Variants in SLC38A1 observed in about 807,000 individuals in gnomAD.
SLC38A1 encodes the protein solute carrier family 38 member 1.
SLC38A1 carries 18 observed loss-of-function variants against 60.3 expected under a neutral mutation model. That is an observed-to-expected ratio of 0.30 (90% CI 0.21 to 0.44). SLC38A1 has a LOEUF of 0.44. SLC38A1 is among the 20% of genes least tolerant of loss of function. The pLI is 1.00. For missense variants in SLC38A1, 448 were observed against 587.2 expected (o/e 0.76, Z 2.45); for synonymous variants, 196 against 212.1 (o/e 0.92, Z 0.66).
In SLC38A1 at chr12:46,197,901, A is replaced by C. The variant is rs1426912959; in HGVS notation, c.1264+18T>G. 1.2e-6 allele frequency: 2 copies of C among 1,612,238 alleles called. No individual in the cohort carries two copies. The highest frequency in any genetic ancestry group is 3.4e-5 in the Admixed American group (2 of 59,540). Reference sequence around the variant, plus strand: ...ACAGCTACTGTAGAATGACAAGCACAAAGTCATGAAGCCATACCTACGACT... The same window carrying C: ...ACAGCTACTGTAGAATGACAAGCACCAAGTCATGAAGCCATACCTACGACT... On this transcript the variant is annotated intron_variant, in intron 15 of 16. Coordinates refer to ENST00000398637, the MANE Select transcript of SLC38A1 (RefSeq NM_030674.4).
intron 1 of SLC38A1, among the ~76,000 whole-genome samples, chr12:46,262,713 TAAGAACTTTA>T (rs1458871583): frequency 6.6e-6 from 1 of 152,110 alleles, no homozygotes; most frequent in Non-Finnish European, 1.5e-5. Context: ...ACAGAAATAA[TAAGAACTTTA>T]AAGCATCACA....
chr12:46,205,982 A>C (rs1939879512), intron 9 of SLC38A1, 98 bp downstream of exon 9: 1 of 672,798 alleles, frequency 1.5e-6, no homozygotes, highest in South Asian at 1.9e-5. Flanking sequence ...CTTTGAGTGC[A>C]TGCAGAGGGG....
chr12:46,228,479 C>T (rs1940950100), intron 5 of SLC38A1, among the ~76,000 whole-genome samples: 1 of 152,180 alleles, frequency 6.6e-6, no homozygotes, highest in Non-Finnish European at 1.5e-5. Context: ...CTCACCTCAC[C>T]ACTGACACTC....
At chr12:46,206,408 G>T (rs1939904823) in intron 8 of SLC38A1, among the ~76,000 whole-genome samples, 1 of 150,796 alleles carries the variant, frequency 6.6e-6, no homozygotes, top group African/African-American at 2.4e-5. Flanking sequence ...GGCTAAATGT[G>T]GCATTCTTTT....
intron 1 of SLC38A1, among the ~76,000 whole-genome samples, chr12:46,261,262 C>A (rs1347456170): frequency 6.6e-6 from 1 of 152,196 alleles, no homozygotes; most frequent in Non-Finnish European, 1.5e-5. Context: ...CTCCTGGGGG[C>A]AGGGAGAGGG....
chr12:46,241,243 T>C (rs1425672149), intron 2 of SLC38A1, among the ~76,000 whole-genome samples: 1 of 152,194 alleles, frequency 6.6e-6, no homozygotes, highest in Non-Finnish European at 1.5e-5. Flanking sequence ...TATAGCCTAG[T>C]TAAGGGTCAA....
At chr12:46,224,707 G>C (rs1940798074) in intron 5 of SLC38A1, among the ~76,000 whole-genome samples, 1 of 152,208 alleles carries the variant, frequency 6.6e-6, no homozygotes, top group African/African-American at 2.4e-5. Flanking sequence ...GAGTCACAGA[G>C]TGAATCCTTG....
At chr12:46,224,273 A>C (rs1375017104) in intron 5 of SLC38A1, among the ~76,000 whole-genome samples, 1 of 152,128 alleles carries the variant, frequency 6.6e-6, no homozygotes, top group Non-Finnish European at 1.5e-5. Flanking sequence ...GAGGATATAT[A>C]CCTGCAGAAC....
At chr12:46,240,486 G>A (rs966591699) in intron 2 of SLC38A1, among the ~76,000 whole-genome samples, 3 of 152,260 alleles carry the variant, frequency 2.0e-5, no homozygotes, top group Middle Eastern at 3.4e-3. Context: ...GTGAGCCACC[G>A]CACCCGGCCT....
In SLC38A1 at chr12:46,185,009, G is replaced by C. The variant is rs950013222; in HGVS notation, c.*3961C>G. 2 of 152,174 alleles carry C rather than the reference G, an allele frequency of 1.3e-5. No homozygotes were observed. The highest frequency in any genetic ancestry group is 1.3e-4 in the Admixed American group (2 of 15,266). The allele number at this position is 152,174 out of a possible 1,614,324, so 9.4% of individuals were successfully genotyped here. A position where few individuals can be genotyped will look rare whatever the true frequency, so the allele number is the denominator to read the frequency against. On this transcript the variant is annotated 3_prime_UTR_variant, in exon 17 of 17. Transcript: ENST00000398637. ...CCATTGCAGAGACCCCTGCCGCCAG[G>C]CTCCTTTCCTCCCCTCCCTAAAGCC...
At chr12:46,256,615 A>G (rs576984346) in intron 1 of SLC38A1, among the ~76,000 whole-genome samples, 2,085 of 102,604 alleles carry the variant, frequency 0.02, 24 homozygotes, top group Non-Finnish European at 0.028. Flanking sequence ...GCGCGCGCGC[A>G]CACACACACA....
intron 16 of SLC38A1, among the ~76,000 whole-genome samples, chr12:46,192,802 ATCTATTTGATTCTTC>A (rs1939199928): frequency 6.6e-6 from 1 of 151,588 alleles, no homozygotes; most frequent in Non-Finnish European, 1.5e-5. Flanking sequence ...TTTTTATTGC[ATCTATTTGATTCTTC>A]TCTCTTTTCT....
At chr12:46,204,735 A>G (rs1003342527) in intron 9 of SLC38A1, 145 bp from the exon 10 acceptor site, 13 of 621,092 alleles carry the variant, frequency 2.1e-5, no homozygotes, top group Admixed American at 1.3e-4. Context: ...TAGAGATCCA[A>G]TAATAAACAT....
intron 1 of SLC38A1, among the ~76,000 whole-genome samples, chr12:46,259,241 C>T (rs1942126496): frequency 6.6e-6 from 1 of 151,916 alleles, no homozygotes; most frequent in African/African-American, 2.4e-5. Flanking sequence ...AGTCCCATAA[C>T]TGACTGTGTC....
intron 16 of SLC38A1, among the ~76,000 whole-genome samples, chr12:46,194,168 G>C (rs1339029725): frequency 6.6e-6 from 1 of 152,116 alleles, no homozygotes; most frequent in Non-Finnish European, 1.5e-5. Context: ...GTCTGTAAAG[G>C]ATTTTATTTC....
At chr12:46,261,672 GA>G (rs570139780) in intron 1 of SLC38A1, among the ~76,000 whole-genome samples, 7 of 152,126 alleles carry the variant, frequency 4.6e-5, no homozygotes, top group Non-Finnish European at 7.4e-5. Context: ...GGGCGTGTGG[GA>G]TTTATGTAAA....
At chr12:46,261,337 C>T (rs1474175759) in intron 1 of SLC38A1, among the ~76,000 whole-genome samples, 2 of 152,144 alleles carry the variant, frequency 1.3e-5, no homozygotes, top group African/African-American at 4.8e-5. Context: ...ACAGCAGTTT[C>T]GTGTAGATTA....
At chr12:46,191,987 A>G (rs1394888947) in intron 16 of SLC38A1, among the ~76,000 whole-genome samples, 1 of 152,206 alleles carries the variant, frequency 6.6e-6, no homozygotes, top group East Asian at 1.9e-4. Flanking sequence ...GAGTGGTGAA[A>G]GAGGGCATCC....
intron 2 of SLC38A1, among the ~76,000 whole-genome samples, chr12:46,242,450 C>G (rs948679567): frequency 1.3e-5 from 2 of 151,978 alleles, no homozygotes; most frequent in African/African-American, 2.4e-5. Flanking sequence ...TTGGATTGGA[C>G]CTTGAAATTT....
Sources: allele counts gnomAD v4.1 joint callset (sites outside exome capture counted in the v4.1 genomes callset), GRCh38; gene constraint gnomAD v4.1.1; transcripts MANE v1.5; gene names NCBI Gene and HGNC (gene_info 2026-07-23, HGNC 2026-07-21).